ANXA4: variants seen among roughly 807,000 people sequenced by gnomAD.
The protein encoded by ANXA4 is annexin A4, also known as 35-beta calcimedin.
In ANXA4, 39 loss-of-function variants were observed where a neutral mutation model predicts 49.8. The observed-to-expected ratio is 0.78, with a 90% CI of 0.61 to 1.02. ANXA4 has a LOEUF of 1.02. Among genes scored for constraint, ANXA4 ranks in the 50% least tolerant of loss-of-function variants. ANXA4 has a pLI of 0.00. For synonymous variants in ANXA4, 134 were observed against 152.5 expected (o/e 0.88, Z 0.89); for missense variants, 360 against 410.1 (o/e 0.88, Z 1.05).
At position 69,707,547 on chromosome 2, in the gene ANXA4, C is replaced by T. The variant is rs572103649; in HGVS notation, n.767-13227C>T. ...TCTCATAACCGTGGAACCCCAAACA[C>T]GACAGTTGTTCTTCGCATGTATTTA... On this transcript the variant is annotated intron_variant and non_coding_transcript_variant, in intron 2 of 3. Coordinates refer to the ANXA4 transcript ENST00000418066. Among the ~76,000 whole-genome samples the T allele has an allele frequency of 1.8e-3, 277 of 152,274 alleles. 1 individual carries two copies. The highest frequency in any genetic ancestry group is 2.7e-3 in the Non-Finnish European group (185 of 68,020).
chr2:69,785,831 G>C (rs562363800), intron 2 of ANXA4, among the ~76,000 whole-genome samples: 2 of 152,058 alleles, frequency 1.3e-5, no homozygotes, highest in African/African-American at 4.8e-5. Context: ...GACAGTGCTC[G>C]ATCCTGGATT....
rs1015043083 is a variant in ANXA4, at chr2:69,765,814, G to T, written c.-46-15706G>T. 2.6e-5 allele frequency among the ~76,000 whole-genome samples: 4 copies of T among 152,148 alleles called. 1 individual carries two copies. The South Asian group carries it at 6.2e-4, about 24-fold the overall frequency. On this transcript the variant is annotated intron_variant, in intron 1 of 12. Transcript: ENST00000394295. ...GAATACCATGGGTCTCAGAAAGAAAGTGAGAGGAGGAGAGGGGGGCTGAGG... is the reference window on the plus strand; with the variant it reads ...GAATACCATGGGTCTCAGAAAGAAATTGAGAGGAGGAGAGGGGGGCTGAGG...
chr2:69,717,376 C>T (rs1488213292), intron 2 of ANXA4, among the ~76,000 whole-genome samples: 1 of 152,152 alleles, frequency 6.6e-6, no homozygotes, highest in Non-Finnish European at 1.5e-5. Flanking sequence ...ATCCCACACT[C>T]CCAAAGCCCA....
chr2:69,710,148 C>T (rs908844703), intron 2 of ANXA4, among the ~76,000 whole-genome samples: 5 of 151,826 alleles, frequency 3.3e-5, no homozygotes, highest in Non-Finnish European at 5.9e-5. Flanking sequence ...CCACCACGCC[C>T]GGCTAATTTT....
intron 3 of ANXA4, among the ~76,000 whole-genome samples, chr2:69,801,852 G>A (rs1673209322): frequency 6.6e-6 from 1 of 152,212 alleles, no homozygotes; most frequent in Non-Finnish European, 1.5e-5. Context: ...GCACCCATAA[G>A]AATCACAGAC....
chr2:69,678,359 G>GCATTA (rs1677479763), intron 2 of ANXA4, among the ~76,000 whole-genome samples: 1 of 143,378 alleles, frequency 7.0e-6, no homozygotes, highest in Non-Finnish European at 1.5e-5. Context: ...TTTCAGAAGG[G>GCATTA]CATTACAAAT....
At chr2:69,812,276 C>T (rs976463227) in intron 7 of ANXA4, among the ~76,000 whole-genome samples, 5 of 152,098 alleles carry the variant, frequency 3.3e-5, no homozygotes, top group Non-Finnish European at 7.4e-5. Context: ...CATCCCGACC[C>T]CCTTTTGGCA....
At chr2:69,739,190 G>A (rs1159828932), upstream of ANXA4, among the ~76,000 whole-genome samples, 2 of 152,110 alleles carry the variant, frequency 1.3e-5, no homozygotes, top group Non-Finnish European at 2.9e-5. Flanking sequence ...CCCACTTTCA[G>A]ACACATCCAG....
chr2:69,679,957 CT>C (rs1229767012), intron 2 of ANXA4, among the ~76,000 whole-genome samples: 1 of 152,094 alleles, frequency 6.6e-6, no homozygotes, highest in Non-Finnish European at 1.5e-5. Flanking sequence ...TTGCTTTGTT[CT>C]TTTTACTCAG....
At chr2:69,649,924 ATTTTTTTT>A (rs35212855) in intron 1 of ANXA4, among the ~76,000 whole-genome samples, 2 of 52,014 alleles carry the variant, frequency 3.8e-5, no homozygotes. Flanking sequence ...GCCTGGCCTG[ATTTTTTTT>A]TTTTTTTTTT....
chr2:69,660,310 G>A (rs1224600603), intron 2 of ANXA4, among the ~76,000 whole-genome samples: 3 of 152,066 alleles, frequency 2.0e-5, no homozygotes, highest in South Asian at 4.1e-4. Flanking sequence ...AACCCTAGAG[G>A]CACTTACAGG....
In ANXA4 at chr2:69,781,540, C is replaced by G. The variant is rs760892250; in HGVS notation, c.-26C>G. Reference sequence around the variant, plus strand: ...CACAGAAGAACTTCTGCTTGGGTGGCTGAACTCTGATCTTGACCTAGAGTC... The same window carrying G: ...CACAGAAGAACTTCTGCTTGGGTGGGTGAACTCTGATCTTGACCTAGAGTC... On this transcript the variant is annotated 5_prime_UTR_variant, in exon 2 of 13. Transcript: ENST00000394295. The G allele has an allele frequency of 1.2e-6, 2 of 1,613,782 alleles. No homozygotes were observed. The highest frequency in any genetic ancestry group is 2.7e-5 in the African/African-American group (2 of 74,906).
chr2:69,654,168 C>T (rs901808823), intron 2 of ANXA4, among the ~76,000 whole-genome samples: 16 of 152,154 alleles, frequency 1.1e-4, no homozygotes, highest in African/African-American at 3.9e-4. Flanking sequence ...TGCTTATCAG[C>T]TTAAGGAGAT....
intron 2 of ANXA4, among the ~76,000 whole-genome samples, chr2:69,672,898 A>G (rs565961220): frequency 8.9e-4 from 136 of 152,222 alleles, no homozygotes; most frequent in Non-Finnish European, 1.6e-3. Context: ...ATTAGTATAC[A>G]TAACATATAA....
At chr2:69,780,573 TA>T (rs906119351) in intron 1 of ANXA4, among the ~76,000 whole-genome samples, 2 of 152,166 alleles carry the variant, frequency 1.3e-5, no homozygotes, top group African/African-American at 4.8e-5. Context: ...ATCAAGGATC[TA>T]ACTAAACTCT....
intron 1 of ANXA4, among the ~76,000 whole-genome samples, chr2:69,759,763 G>T (rs1271053971): frequency 6.6e-6 from 1 of 152,042 alleles, no homozygotes; most frequent in Non-Finnish European, 1.5e-5. Context: ...ATAATTTTTT[G>T]GCGTGTACAT....
At chr2:69,653,312 A>C (rs1442274159) in intron 2 of ANXA4, 2 of 152,256 alleles carry the variant, frequency 1.3e-5, no homozygotes, top group Non-Finnish European at 2.9e-5. Flanking sequence ...ATAAATGTGA[A>C]GTATGCGTAA....
rs184368099 is a variant in ANXA4 at position 69,696,268 on chromosome 2, A to C, written n.767-24506A>C. ...TTTCAACACTGCTCACAGCACCTTCACCAGAAGCAGCTTCCATCTCAAGAA... is the reference window on the plus strand; with the variant it reads ...TTTCAACACTGCTCACAGCACCTTCCCCAGAAGCAGCTTCCATCTCAAGAA... On this transcript the variant is annotated intron_variant and non_coding_transcript_variant, in intron 2 of 3. Transcript: ENST00000418066. Among the ~76,000 whole-genome samples the C allele has an allele frequency of 1.5e-4, 23 of 152,288 alleles. No individual in the cohort carries two copies. In the East Asian group the frequency reaches 4.2e-3, roughly 28 times the overall value.
At chr2:69,650,573 C>T (rs1305010232) in intron 1 of ANXA4, among the ~76,000 whole-genome samples, 1 of 152,102 alleles carries the variant, frequency 6.6e-6, no homozygotes, top group African/African-American at 2.4e-5. Flanking sequence ...GATCCACCCA[C>T]CTCAGCTTCC....
Sources: gnomAD v4.1 joint callset for allele counts (sites outside exome capture counted in the v4.1 genomes callset) on GRCh38, gnomAD v4.1.1 for gene constraint, MANE v1.5 for transcripts, NCBI Gene and HGNC (gene_info 2026-07-23, HGNC 2026-07-21) for gene names.